ADGRB3: variants seen among roughly 807,000 people sequenced by gnomAD.
ADGRB3 encodes the protein brain-specific angiogenesis inhibitor 3.
ADGRB3 carries 37 observed loss-of-function variants against 193.4 expected under a neutral mutation model. That is an observed-to-expected ratio of 0.19 (90% CI 0.15 to 0.25). The LOEUF is 0.25. Ranked by LOEUF, ADGRB3 falls within the 10% of genes least tolerant of loss-of-function variation. ADGRB3 has a pLI of 1.00. For synonymous variants in ADGRB3, 690 were observed against 644.2 expected (o/e 1.07, Z -1.08); for missense variants, 1,637 against 1,852.9 (o/e 0.88, Z 2.14).
At chr6:69,282,180 A>G (rs547705791) in intron 20 of ADGRB3, among the ~76,000 whole-genome samples, 36 of 152,314 alleles carry the variant, frequency 2.4e-4, no homozygotes, top group African/African-American at 8.4e-4. Flanking sequence ...TCATTTGGCA[A>G]ATAAAATGAA....
chr6:68,700,666 T>C (rs886895411), intron 3 of ADGRB3, among the ~76,000 whole-genome samples: 3 of 152,006 alleles, frequency 2.0e-5, no homozygotes, highest in African/African-American at 4.8e-5. Flanking sequence ...TTTAGGTCTT[T>C]TTCTTCCTTG....
intron 3 of ADGRB3, among the ~76,000 whole-genome samples, chr6:68,845,074 C>G (rs552462722): frequency 1.3e-5 from 2 of 152,136 alleles, no homozygotes; most frequent in East Asian, 3.9e-4. Context: ...AGGGTGACTA[C>G]AGTCAATAAT....
chr6:68,972,190 C>T (rs79177457), intron 8 of ADGRB3, among the ~76,000 whole-genome samples: 2 of 152,150 alleles, frequency 1.3e-5, no homozygotes, highest in African/African-American at 2.4e-5. Context: ...GCTGCCCCTA[C>T]CCTCACTTGA....
chr6:69,374,767 A>G (rs143322002), intron 30 of ADGRB3, among the ~76,000 whole-genome samples: 1 of 152,204 alleles, frequency 6.6e-6, no homozygotes, highest in African/African-American at 2.4e-5. Context: ...CCTAGTACCT[A>G]GTAAGCATTC....
At chr6:68,827,228 A>G (rs1767861637) in intron 3 of ADGRB3, among the ~76,000 whole-genome samples, 2 of 152,210 alleles carry the variant, frequency 1.3e-5, no homozygotes, top group South Asian at 4.2e-4. Context: ...GTGTCCTGGA[A>G]GTTATGAAAA....
chr6:69,239,473 T>C (rs1046656814), intron 20 of ADGRB3, among the ~76,000 whole-genome samples: 14 of 152,138 alleles, frequency 9.2e-5, no homozygotes, highest in African/African-American at 3.4e-4. Flanking sequence ...TTATTAAACA[T>C]TATATCAAAG....
At chr6:69,381,433 T>C (rs1340884299) in intron 30 of ADGRB3, among the ~76,000 whole-genome samples, 1 of 151,934 alleles carries the variant, frequency 6.6e-6, no homozygotes, top group Non-Finnish European at 1.5e-5. Flanking sequence ...CAGAAACTGA[T>C]TGTTGCAAGA....
At chr6:68,968,156 A>T (rs3798976) in intron 8 of ADGRB3, among the ~76,000 whole-genome samples, 5,032 of 152,142 alleles carry the variant, frequency 0.033, 119 homozygotes, top group East Asian at 0.069. Flanking sequence ...CTTATTTCAC[A>T]TATTTACTCT....
chr6:68,927,575 G>C (rs763512703), intron 3 of ADGRB3, among the ~76,000 whole-genome samples: 3 of 152,096 alleles, frequency 2.0e-5, no homozygotes, highest in Non-Finnish European at 4.4e-5. Flanking sequence ...AAATCTTACT[G>C]TTAATAGCAA....
At chr6:69,179,452 T>A (rs1310588076) in intron 17 of ADGRB3, among the ~76,000 whole-genome samples, 1 of 152,196 alleles carries the variant, frequency 6.6e-6, no homozygotes, top group Non-Finnish European at 1.5e-5. Flanking sequence ...TTCCTTACAA[T>A]CCTTGCTTTG....
intron 20 of ADGRB3, among the ~76,000 whole-genome samples, chr6:69,254,421 A>G (rs866377729): frequency 6.6e-6 from 1 of 152,114 alleles, no homozygotes; most frequent in Non-Finnish European, 1.5e-5. Context: ...TTCCAATACT[A>G]GAAAGGATTC....
intron 26 of ADGRB3, among the ~76,000 whole-genome samples, 160 bp from the exon 27 acceptor site, chr6:69,354,073 T>C (rs1324509769): frequency 3.3e-5 from 5 of 151,936 alleles, no homozygotes; most frequent in Admixed American, 6.6e-5. Context: ...CAAAAAATAA[T>C]AGTAGTAATA....
intron 6 of ADGRB3, among the ~76,000 whole-genome samples, chr6:68,952,232 TTAA>T (rs1249719041): frequency 6.6e-6 from 1 of 151,946 alleles, no homozygotes; most frequent in South Asian, 2.1e-4. Flanking sequence ...AACAAATCCA[TTAA>T]TAATTTTTTT....
At chr6:69,332,743 A>C (rs1768755919) in intron 23 of ADGRB3, 180 bp from the exon 24 acceptor site, 2 of 985,482 alleles carry the variant, frequency 2.0e-6, no homozygotes, top group Non-Finnish European at 2.4e-6. Context: ...ACTTTAAAGT[A>C]GCACACCACT....
At chr6:69,102,584 G>A (rs1167838894) in intron 17 of ADGRB3, among the ~76,000 whole-genome samples, 2 of 152,168 alleles carry the variant, frequency 1.3e-5, no homozygotes, top group Non-Finnish European at 2.9e-5. Flanking sequence ...GGGAGCAGAG[G>A]CATTCATGTC....
chr6:68,992,594 A>T (rs1769267635), intron 10 of ADGRB3, among the ~76,000 whole-genome samples: 1 of 152,174 alleles, frequency 6.6e-6, no homozygotes, highest in African/African-American at 2.4e-5. Flanking sequence ...GAATGAAAGA[A>T]TAGGGAGAAG....
intron 13 of ADGRB3, among the ~76,000 whole-genome samples, chr6:69,034,474 CAA>C (rs1770807377): frequency 6.7e-6 from 1 of 149,630 alleles, no homozygotes; most frequent in South Asian, 2.1e-4. Flanking sequence ...ATAGGTGAAA[CAA>C]AATTATAATT....
chr6:68,844,483 C>G, intron 3 of ADGRB3, among the ~76,000 whole-genome samples: 1 of 152,204 alleles, frequency 6.6e-6, no homozygotes, highest in East Asian at 1.9e-4. Context: ...ATCTAAAAGA[C>G]AGGTAATCAC....
At chr6:68,933,778 A>G (rs1029516223) in intron 4 of ADGRB3, among the ~76,000 whole-genome samples, 2 of 152,200 alleles carry the variant, frequency 1.3e-5, no homozygotes, top group Admixed American at 6.5e-5. Flanking sequence ...GAAGACATTC[A>G]AAGAAATAAA....
Sources: allele counts gnomAD v4.1 joint callset (sites outside exome capture counted in the v4.1 genomes callset), GRCh38; gene constraint gnomAD v4.1.1; transcripts MANE v1.5; gene names NCBI Gene and HGNC (gene_info 2026-07-23, HGNC 2026-07-21).